FAM167A: variants seen among roughly 807,000 people sequenced by gnomAD.
FAM167A encodes the protein protein FAM167A.
A neutral mutation model predicts 14.9 loss-of-function variants in FAM167A; 23 were observed. The observed-to-expected ratio is 1.55, with a 90% CI of 1.11 to 2.19. FAM167A has a LOEUF of 2.19. Ranked by LOEUF, FAM167A falls within the 30% of genes most tolerant of loss-of-function variation. FAM167A has a pLI of 0.00. For missense variants in FAM167A, 401 were observed against 281.5 expected, an observed-to-expected ratio of 1.42 and a Z score of -3.04; for synonymous variants, 174 against 117.7, an observed-to-expected ratio of 1.48 and a Z score of -3.10.
chr8:11,461,848 T>A (rs73533629), intron 1 of FAM167A, among the ~76,000 whole-genome samples: 2,316 of 152,340 alleles, frequency 0.015, 38 homozygotes, highest in African/African-American at 0.044. Flanking sequence ...TCTAAAAGGC[T>A]TCGTAAGGCC....
intron 2 of FAM167A, chr8:11,434,892 G>C: frequency 2.6e-6 from 1 of 385,018 alleles, no homozygotes; most frequent in East Asian, 7.3e-5. Flanking sequence ...TTCTGTGCCG[G>C]AGAGAGAGTG....
intron 1 of FAM167A, among the ~76,000 whole-genome samples, chr8:11,457,048 AGGAAGTGGGTGGGGCTGGGTTGG>A (rs1807352038): frequency 1.9e-3 from 80 of 41,026 alleles, no homozygotes; most frequent in African/African-American, 4.0e-3. Flanking sequence ...GGCTGGGTTA[AGGAAGTGGGTGGGGCTGGGTTGG>A]GGAAGTGGGC....
chr8:11,442,823 G>A lies in FAM167A; in HGVS notation c.381+1208C>T, dbSNP rs796545319. On this transcript the variant is annotated intron_variant, in intron 2 of 2. Transcript: ENST00000284486. Reference sequence around the variant, plus strand: ...TACTAAAGACGGATATAATAGAATGGTGTGTTCTGAGAAGCACTCTCGGTA... The same window carrying A: ...TACTAAAGACGGATATAATAGAATGATGTGTTCTGAGAAGCACTCTCGGTA... Among the ~76,000 whole-genome samples, 2 of 152,250 alleles carry A rather than the reference G, an allele frequency of 1.3e-5. 1 individual carries two copies. Among genetic ancestry groups the A allele is most frequent in the South Asian group, 4.2e-4 (2 of 4,814 alleles).
Position 11,455,247 on chromosome 8 carries a change from G to C in FAM167A, c.-397-10439C>G, listed in dbSNP as rs1251255606. Among the ~76,000 whole-genome samples, 7 of 150,424 alleles carry C rather than the reference G, an allele frequency of 4.7e-5. 1 individual carries two copies. The Middle Eastern group carries it at 0.017, about 368-fold the overall frequency. ...TGTGGTGGGGTTGTTGCCTTGCTGT[G>C]TGAGTGTGGGTGGTGGTTGCCTTGC... On this transcript the variant is annotated intron_variant, in intron 1 of 2. Transcript: ENST00000284486.
chr8:11,443,924 A>G, intron 2 of FAM167A, 107 bp downstream of exon 2: 1 of 1,349,116 alleles, frequency 7.4e-7, no homozygotes, highest in Non-Finnish European at 1.0e-6. Flanking sequence ...AGAGAGGGGA[A>G]GAAATACATG....
At chr8:11,468,930 A>G (rs1302395873), upstream of FAM167A, among the ~76,000 whole-genome samples, 1 of 152,096 alleles carries the variant, frequency 6.6e-6, no homozygotes, top group Admixed American at 6.5e-5. Context: ...CCAGGAGGAG[A>G]GTGGGCCAGA....
intron 2 of FAM167A, among the ~76,000 whole-genome samples, chr8:11,429,316 GAT>G (rs1397853587): frequency 6.6e-6 from 1 of 152,232 alleles, no homozygotes; most frequent in Admixed American, 6.5e-5. Flanking sequence ...TTGCAATGAA[GAT>G]ATGTCTTTGC....
chr8:11,465,268 G>A (rs7824090), intron 1 of FAM167A, among the ~76,000 whole-genome samples: 8,471 of 152,096 alleles, frequency 0.056, 345 homozygotes, highest in Middle Eastern at 0.12. Context: ...CCCCTCTCTG[G>A]GCCTTAGATG....
rs1804813224 is a variant in FAM167A, at chr8:11,422,386, G to C, written c.*1987C>G. On this transcript the variant is annotated 3_prime_UTR_variant, in exon 3 of 3. Coordinates refer to ENST00000284486, the MANE Select transcript of FAM167A (RefSeq NM_053279.3). ...TGTGTGTGTGGGGGTGTGTGTGTGT[G>C]TGTGTGTGTGTGTGTGTGTAGGTCA... 2 of 150,010 alleles carry C rather than the reference G, an allele frequency of 1.3e-5. No individual in the cohort carries two copies. Among genetic ancestry groups the C allele is most frequent in the East Asian group, 3.9e-4 (2 of 5,186 alleles). The allele number at this position is 150,010 out of a possible 1,614,324, so 9.3% of individuals were successfully genotyped here. A position where few individuals can be genotyped will look rare whatever the true frequency, so the allele number is the denominator to read the frequency against.
chr8:11,439,091 T>C (rs7001675), intron 2 of FAM167A, among the ~76,000 whole-genome samples: 70,015 of 152,152 alleles, frequency 0.46, 16,430 homozygotes, highest in East Asian at 0.7. Context: ...CAGAACCAAG[T>C]GATGTGTGTC....
intron 2 of FAM167A, among the ~76,000 whole-genome samples, chr8:11,437,035 A>G (rs1239222291): frequency 1.3e-5 from 2 of 152,132 alleles, no homozygotes; most frequent in African/African-American, 4.8e-5. Context: ...GGCAAGTTTG[A>G]GGCTGTTTTG....
intron 2 of FAM167A, chr8:11,443,733 G>T (rs1806582950): frequency 5.8e-6 from 2 of 343,092 alleles, no homozygotes; most frequent in Admixed American, 4.7e-5. Context: ...CCAGTACTGG[G>T]AGCGGTGTTG....
At chr8:11,441,213 G>C (rs1182103903) in intron 2 of FAM167A, among the ~76,000 whole-genome samples, 6 of 152,180 alleles carry the variant, frequency 3.9e-5, no homozygotes, top group Admixed American at 3.3e-4. Context: ...CAAGCCACAT[G>C]GGCAGTTATG....
chr8:11,468,515 G>A (rs988327607), upstream of FAM167A, among the ~76,000 whole-genome samples: 14 of 152,210 alleles, frequency 9.2e-5, no homozygotes, highest in South Asian at 2.1e-4. Flanking sequence ...AGTAGGCTCC[G>A]GAAGGGCATG....
chr8:11,440,570 G>C (rs918455838), intron 2 of FAM167A, among the ~76,000 whole-genome samples: 1 of 152,196 alleles, frequency 6.6e-6, no homozygotes, highest in African/African-American at 2.4e-5. Flanking sequence ...TCTGGTTGAG[G>C]TGACATTGAC....
chr8:11,475,203 G>A lies in FAM167A; in HGVS notation c.-398+663C>T, dbSNP rs112142965. ...GCCCCCACCTTAGGACAGGTTCCTCGGCTTTTCCTCTGGGACCCCCTCCCT... is the reference window on the plus strand; with the variant it reads ...GCCCCCACCTTAGGACAGGTTCCTCAGCTTTTCCTCTGGGACCCCCTCCCT... On this transcript the variant is annotated intron_variant, in intron 1 of 1. Coordinates refer to the FAM167A transcript ENST00000648766. Among the ~76,000 whole-genome samples the A allele has an allele frequency of 6.5e-3, 989 of 152,220 alleles. 4 individuals carry two copies. The highest frequency in any genetic ancestry group is 0.027 in the Middle Eastern group (8 of 294).
upstream of FAM167A, chr8:11,466,898 G>T (rs1807798136): frequency 6.6e-6 from 1 of 152,232 alleles, no homozygotes; most frequent in South Asian, 2.1e-4. Flanking sequence ...CGCGCCCCGG[G>T]TCCTAGCGCC....
intron 1 of FAM167A, among the ~76,000 whole-genome samples, chr8:11,462,534 G>C (rs988007621): frequency 6.6e-6 from 1 of 152,184 alleles, no homozygotes. Flanking sequence ...AAAGTTAACT[G>C]AAGCGTGCAG....
chr8:11,429,689 G>C (rs1254859101), intron 2 of FAM167A, among the ~76,000 whole-genome samples: 1 of 152,232 alleles, frequency 6.6e-6, no homozygotes, highest in Admixed American at 6.5e-5. Flanking sequence ...GACTCTCCCA[G>C]GCTCCTGTCT....
Sources: allele counts gnomAD v4.1 joint callset (sites outside exome capture counted in the v4.1 genomes callset), GRCh38; gene constraint gnomAD v4.1.1; transcripts MANE v1.5; gene names NCBI Gene and HGNC (gene_info 2026-07-23, HGNC 2026-07-21).